DBF4B: variants seen among roughly 807,000 people sequenced by gnomAD.
DBF4B encodes the protein protein DBF4 homolog B.
In DBF4B, 49 loss-of-function variants were observed where a neutral mutation model predicts 53.4. That is an observed-to-expected ratio of 0.92 (90% CI 0.73 to 1.16). The LOEUF is 1.16. DBF4B is among the 50% of genes most tolerant of loss of function. DBF4B has a pLI of 0.00. For synonymous variants in DBF4B, 257 were observed against 288.7 expected (o/e 0.89, Z 1.11); for missense variants, 692 against 775.0 (o/e 0.89, Z 1.27).
rs368269973 is a variant in DBF4B at position 44,751,953 on chromosome 17, G to A, written c.*700G>A. 159 of 1,535,848 alleles carry A rather than the reference G, an allele frequency of 1.0e-4. No individual in the cohort carries two copies. The highest frequency in any genetic ancestry group is 3.7e-4 in the East Asian group (15 of 40,906). On this transcript the variant is annotated 3_prime_UTR_variant, in exon 14 of 14. Coordinates refer to ENST00000315005, the MANE Select transcript of DBF4B (RefSeq NM_145663.3). Reference sequence around the variant, plus strand: ...TCGTTCATTCAGCACAGGCCTTGCCGTCTGCCCTGAGTCAGCTCCGAGACA... The same window carrying A: ...TCGTTCATTCAGCACAGGCCTTGCCATCTGCCCTGAGTCAGCTCCGAGACA...
rs1177452358 is a variant in DBF4B, at chr17:44,728,226, G to T, written c.226-1679G>T. On this transcript the variant is annotated intron_variant, in intron 3 of 13. Transcript: ENST00000315005. ...CTAAACTAGCTGATTTAACATGGTG[G>T]TCTCAAGGCCACCTTCCCAGAAAGT... Among the ~76,000 whole-genome samples the T allele has an allele frequency of 3.3e-5, 5 of 152,160 alleles. No individual in the cohort carries two copies. In the South Asian group the frequency reaches 6.2e-4, roughly 19 times the overall value.
chr17:44,748,594 C>A, intron 13 of DBF4B, 129 bp downstream of exon 13: 4 of 1,535,006 alleles, frequency 2.6e-6, no homozygotes, highest in Non-Finnish European at 3.5e-6. Context: ...GTTTGTGGAC[C>A]CCCCAGGGAT....
Position 44,751,335 on chromosome 17 carries a change from G to A in DBF4B, c.*82G>A, listed in dbSNP as rs537496761. Reference sequence around the variant, plus strand: ...GAATGAGGTCCCGCAGTGGCTCCTTGGCGTGAGCACTGCTCAGACTCCTTT... The same window carrying A: ...GAATGAGGTCCCGCAGTGGCTCCTTAGCGTGAGCACTGCTCAGACTCCTTT... On this transcript the variant is annotated 3_prime_UTR_variant, in exon 14 of 14. Transcript: ENST00000315005. 8 of 1,514,160 alleles carry A rather than the reference G, an allele frequency of 5.3e-6. No homozygotes were observed. In the African/African-American group the frequency reaches 8.2e-5, roughly 16 times the overall value. The allele number at this position is 1,514,160 out of a possible 1,614,324, so 93.8% of individuals were successfully genotyped here. A position where few individuals can be genotyped will look rare whatever the true frequency, so the allele number is the denominator to read the frequency against.
intron 7 of DBF4B, among the ~76,000 whole-genome samples, chr17:44,734,645 A>G (rs1346750209): frequency 6.6e-6 from 1 of 152,236 alleles, no homozygotes; most frequent in Non-Finnish European, 1.5e-5. Flanking sequence ...ACATCAAGAG[A>G]GCCCAACCTG....
intron 7 of DBF4B, among the ~76,000 whole-genome samples, chr17:44,736,281 G>A (rs977105377): frequency 2.0e-5 from 3 of 151,962 alleles, no homozygotes; most frequent in Non-Finnish European, 4.4e-5. Flanking sequence ...ACCACGCCCG[G>A]CCTCCATTTA....
At chr17:44,736,927 C>CAGAGGGAGTCGTGGGGAAGT in intron 8 of DBF4B, 61 bp downstream of exon 8, 1 of 1,578,886 alleles carries the variant, frequency 6.3e-7, no homozygotes, top group Non-Finnish European at 8.7e-7. Flanking sequence ...CACTTCCCCA[C>CAGAGGGAGTCGTGGGGAAGT]GACTCCCTCT....
chr17:44,738,676 T>A (rs1975703660), intron 9 of DBF4B, among the ~76,000 whole-genome samples: 1 of 152,216 alleles, frequency 6.6e-6, no homozygotes, highest in African/African-American at 2.4e-5. Flanking sequence ...ATCCTGTGTG[T>A]GAATTACCTC....
intron 10 of DBF4B, among the ~76,000 whole-genome samples, chr17:44,744,612 A>G (rs1309095036): frequency 6.6e-6 from 1 of 152,162 alleles, no homozygotes; most frequent in Non-Finnish European, 1.5e-5. Flanking sequence ...TATTGGGTTA[A>G]AAGATATATG....
chr17:44,733,033 C>T lies in DBF4B; in HGVS notation c.556+768C>T, dbSNP rs542364792. ...ACAAAAAATCAGCCGGGCGTGGTGG[C>T]GGGCGCCTGTAGTCCCAGCTACTCG... is the stretch of plus-strand genomic sequence containing the variant. On this transcript the variant is annotated intron_variant, in intron 6 of 13. Coordinates refer to ENST00000315005, the MANE Select transcript of DBF4B (RefSeq NM_145663.3). Among the ~76,000 whole-genome samples the T allele has an allele frequency of 2.7e-4, 40 of 150,052 alleles. 3 individuals carry two copies. In the South Asian group the frequency reaches 7.6e-3, roughly 29 times the overall value.
chr17:44,736,317 C>T (rs1975428077), intron 7 of DBF4B, among the ~76,000 whole-genome samples: 1 of 152,072 alleles, frequency 6.6e-6, no homozygotes, highest in African/African-American at 2.4e-5. Context: ...TTTGTTTGAC[C>T]TTGGCTTAAA....
At chr17:44,725,135 A>C (rs1043523211) in intron 3 of DBF4B, among the ~76,000 whole-genome samples, 3 of 151,514 alleles carry the variant, frequency 2.0e-5, no homozygotes, top group Non-Finnish European at 2.9e-5. Flanking sequence ...AAAAAAAAAA[A>C]AAAACATTAG....
At chr17:44,750,211 T>C in intron 13 of DBF4B, 1 of 1,006,742 alleles carries the variant, frequency 9.9e-7, no homozygotes, top group Non-Finnish European at 1.2e-6. Flanking sequence ...AAGCCATTAA[T>C]CTGGAGACAG....
intron 2 of DBF4B, among the ~76,000 whole-genome samples, chr17:44,711,058 T>G (rs1972827811): frequency 7.1e-6 from 1 of 141,608 alleles, no homozygotes; most frequent in Non-Finnish European, 1.5e-5. Context: ...CCATCTCGGC[T>G]CACTGCAACC....
At chr17:44,746,858 G>A (rs2049107772) in intron 10 of DBF4B, among the ~76,000 whole-genome samples, 1 of 151,614 alleles carries the variant, frequency 6.6e-6, no homozygotes, top group Admixed American at 6.6e-5. Flanking sequence ...GATAAGACAG[G>A]CTGCCCACAG....
At chr17:44,709,281 G>T in intron 1 of DBF4B, 23 bp from the exon 2 acceptor site, 1 of 1,614,074 alleles carries the variant, frequency 6.2e-7, no homozygotes, top group Non-Finnish European at 8.5e-7. Context: ...AGATGGTTGA[G>T]TTGCTGTTAT....
In DBF4B at chr17:44,708,709, C is replaced by G; in HGVS notation, c.-112C>G. On this transcript the variant is annotated 5_prime_UTR_variant, in exon 1 of 14. Transcript: ENST00000315005. Reference sequence around the variant, plus strand: ...AAACGCCAAGAGATTGATGCTGTAGCTGCCCTGAGATAACCAGGACTGTGG... The same window carrying G: ...AAACGCCAAGAGATTGATGCTGTAGGTGCCCTGAGATAACCAGGACTGTGG... 2 of 1,302,302 alleles carry G rather than the reference C, an allele frequency of 1.5e-6. No homozygotes were observed. Among genetic ancestry groups the G allele is most frequent in the East Asian group, 5.4e-5 (2 of 37,038 alleles). The allele number at this position is 1,302,302 out of a possible 1,614,324, so 80.7% of individuals were successfully genotyped here.
Position 44,749,490 on chromosome 17 carries a change from G to A in DBF4B, c.1189+1025G>A, listed in dbSNP as rs1045679211. On this transcript the variant is annotated intron_variant, in intron 13 of 13. Transcript: ENST00000315005. This position sits in a 1 kb window ranked among gnomAD's most constrained non-coding sequence, Gnocchi z 4.4. ...AGAAGGAGGCCCGGGCCTGGCCTTT[G>A]AAGTCCAGCAAGCAGCTGTCACGCT... is the stretch of plus-strand genomic sequence containing the variant. The A allele has an allele frequency of 1.6e-6, 2 of 1,282,220 alleles. No homozygotes were observed. The highest frequency in any genetic ancestry group is 3.0e-5 in the African/African-American group (2 of 65,674). 79.4% of individuals were successfully genotyped at this position (1,282,220 alleles called of 1,614,324 possible).
chr17:44,732,232 C>G lies in DBF4B; in HGVS notation c.523C>G (p.Arg175Gly). ...CAGCAGCAGCCTCCTGACCAATGCC[C>G]GCTCTTGGGGAGTGAGGATTCTGCA... ...GGSSSLLTNA[R>G]SWGVRILHVD... Residue 175 changes from arginine to glycine, a missense_variant, in exon 6 of 14, where the codon CGC becomes GGC. Physicochemically the swap from Arg to Gly is moderately radical, Grantham distance 125. Transcript: ENST00000315005. 6.2e-7 allele frequency: 1 copy of G among 1,614,112 alleles called. No individual in the cohort carries two copies.
chr17:44,734,072 CCT>C lies in DBF4B; in HGVS notation c.557-15_557-14del. 6.2e-7 allele frequency: 1 copy of C among 1,607,366 alleles called. No homozygotes were observed. Among genetic ancestry groups the C allele is most frequent in the Non-Finnish European group, 8.5e-7 (1 of 1,173,890 alleles). On this transcript the variant is annotated splice_polypyrimidine_tract_variant and intron_variant, in intron 6 of 13. Transcript: ENST00000315005. ...AAGACTGGAAGCCTTTGGCACAAAC[CCT>C]CTGTCTTCTCCACAGAAATGATGAT...
Sources: allele counts gnomAD v4.1 joint callset (sites outside exome capture counted in the v4.1 genomes callset), GRCh38; gene constraint gnomAD v4.1.1; non-coding constraint Gnocchi (gnomAD v3.1); transcripts MANE v1.5; gene names NCBI Gene and HGNC (gene_info 2026-07-23, HGNC 2026-07-21).